The following SALL4 variants were observed in gnomAD, a reference collection of about 807,000 sequenced individuals.
The protein encoded by SALL4 is sal-like protein 4.
A neutral mutation model predicts 60.8 loss-of-function variants in SALL4; 4 were observed. The observed-to-expected ratio is 0.07, with a 90% CI of 0.03 to 0.15. The LOEUF (loss-of-function observed/expected upper bound fraction) is 0.15, where lower values mean the gene tolerates loss of function less well. Among genes scored for constraint, SALL4 ranks in the 10% least tolerant of loss-of-function variants. SALL4 has a pLI of 1.00. For missense variants in SALL4, 1,178 were observed against 1,394.7 expected (o/e 0.84, Z 2.48); for synonymous variants, 580 against 574.9 (o/e 1.01, Z -0.13).
At chr20:51,786,118 G>T (rs559366584) in intron 3 of SALL4, among the ~76,000 whole-genome samples, 19 of 135,502 alleles carry the variant, frequency 1.4e-4, no homozygotes, top group Admixed American at 2.4e-4. Flanking sequence ...ACAGAGTCTC[G>T]CTCTGTCGCC....
Position 51,788,346 on chromosome 20 carries a change from TG to T in SALL4, c.2742+514del, listed in dbSNP as rs2078007382. On this transcript the variant is annotated intron_variant, in intron 3 of 3. Coordinates refer to ENST00000217086, the MANE Select transcript of SALL4 (RefSeq NM_020436.5). This position sits in a 1 kb window ranked among gnomAD's most constrained non-coding sequence, Gnocchi z 4.1. ...ATTTGTGTGTGTGTGTGTGTGTGTGTGTGTGTGTGTGTAAAGACGTTGTCTC... is the reference window on the plus strand; with the variant it reads ...ATTTGTGTGTGTGTGTGTGTGTGTGTTGTGTGTGTGTAAAGACGTTGTCTC... Among the ~76,000 whole-genome samples the T allele has an allele frequency of 6.6e-6, 1 of 151,280 alleles. No individual in the cohort carries two copies. The highest frequency in any genetic ancestry group is 2.4e-5 in the African/African-American group (1 of 41,136).
rs1237906788 is a variant in SALL4 at position 51,782,901 on chromosome 20, G to A, written c.*1364C>T. ...TTAAAATAGGAAAATAGACACTATG[G>A]CTACAAAAAATAAAAAATAAATGAG... On this transcript the variant is annotated 3_prime_UTR_variant, in exon 4 of 4. Transcript: ENST00000217086. 1 of 152,018 alleles carries A rather than the reference G, an allele frequency of 6.6e-6. No individual in the cohort carries two copies. The highest frequency in any genetic ancestry group is 1.5e-5 in the Non-Finnish European group (1 of 68,030). The allele number at this position is 152,018 out of a possible 1,614,324, so 9.4% of individuals were successfully genotyped here.
rs528532805 is a variant in SALL4 at position 51,795,383 on chromosome 20, G to C, written c.131-3031C>G. Among the ~76,000 whole-genome samples, 15 of 152,192 alleles carry C rather than the reference G, an allele frequency of 9.9e-5. No homozygotes were observed. In the East Asian group the frequency reaches 2.9e-3, roughly 29 times the overall value. ...GACAGTGCCACTGCACTCCAGCCTG[G>C]GCGACAGAGCGAGACTCCGTGTCAA... On this transcript the variant is annotated intron_variant, in intron 1 of 3. Coordinates refer to ENST00000217086, the MANE Select transcript of SALL4 (RefSeq NM_020436.5).
At chr20:51,796,307 C>T (rs1207713788) in intron 1 of SALL4, among the ~76,000 whole-genome samples, 2 of 151,792 alleles carry the variant, frequency 1.3e-5, no homozygotes, top group East Asian at 1.9e-4. Flanking sequence ...GAGGCCAAAG[C>T]TAACCACCAC....
At position 51,791,336 on chromosome 20, in the gene SALL4, T is replaced by C; in HGVS notation, c.1147A>G (p.Lys383Glu). 1 of 1,614,154 alleles carries C rather than the reference T, an allele frequency of 6.2e-7. No individual in the cohort carries two copies. Among genetic ancestry groups the C allele is most frequent in the Non-Finnish European group, 8.5e-7 (1 of 1,180,022 alleles). ...AAAACCTTGCTACAGTACTTACACT[T>C]GTGCTTGTAGAGGGCCGCCTCGTCT... ...PKDEAALYKH[K>E]CKYCSKVFGT... Residue 383 changes from lysine (K) to glutamate (E), a missense_variant, in exon 2 of 4, where the codon AAG (lysine) becomes GAG (glutamate). Lys to Glu is a moderately conservative substitution (Grantham distance 56). Coordinates refer to ENST00000217086, the MANE Select transcript of SALL4 (RefSeq NM_020436.5). This position sits in a 1 kb window ranked among gnomAD's most constrained non-coding sequence, Gnocchi z 4.6.
chr20:51,797,169 C>T (rs1240421962), intron 1 of SALL4, among the ~76,000 whole-genome samples: 1 of 151,588 alleles, frequency 6.6e-6, no homozygotes, highest in Non-Finnish European at 1.5e-5. Context: ...TATAGTGTTA[C>T]AAGTTGTTAT....
chr20:51,795,536 G>C (rs1242505361), intron 1 of SALL4, among the ~76,000 whole-genome samples: 1 of 152,224 alleles, frequency 6.6e-6, no homozygotes, highest in African/African-American at 2.4e-5. Context: ...CTGGAAACCA[G>C]CACTAGTGGG....
intron 1 of SALL4, among the ~76,000 whole-genome samples, chr20:51,799,065 T>G (rs558953238): frequency 1.3e-5 from 2 of 152,200 alleles, no homozygotes; most frequent in Non-Finnish European, 2.9e-5. Flanking sequence ...CCCAGCCTGG[T>G]GTCTGGCAGG....
At chr20:51,800,929 T>G (rs942750928) in intron 1 of SALL4, among the ~76,000 whole-genome samples, 3 of 152,148 alleles carry the variant, frequency 2.0e-5, no homozygotes, top group Admixed American at 6.5e-5. Flanking sequence ...TGTATTACAT[T>G]CAGTCTCCGA....
Position 51,792,623 on chromosome 20 carries a change from A to C in SALL4, c.131-271T>G, listed in dbSNP as rs971581800. ...AGAATTGCTTGAACCCAGGAGGCAGAGGTTGCAGTGAGCTGAGATCCCGCC... is the reference window on the plus strand; with the variant it reads ...AGAATTGCTTGAACCCAGGAGGCAGCGGTTGCAGTGAGCTGAGATCCCGCC... On this transcript the variant is annotated intron_variant, in intron 1 of 3. Coordinates refer to ENST00000217086, the MANE Select transcript of SALL4 (RefSeq NM_020436.5). The C allele has an allele frequency of 5.8e-6, 3 of 513,218 alleles. No individual in the cohort carries two copies. The African/African-American group carries it at 6.9e-5, about 12-fold the overall frequency. 31.8% of individuals were successfully genotyped at this position (513,218 alleles called of 1,614,324 possible).
chr20:51,791,890 G>A lies in SALL4; in HGVS notation c.593C>T (p.Ala198Val), dbSNP rs775663320. The A allele has an allele frequency of 2.0e-5, 33 of 1,614,074 alleles. No homozygotes were observed. The highest frequency in any genetic ancestry group is 2.4e-5 in the Non-Finnish European group (28 of 1,180,044). The change falls in exon 2 of 4, where the codon GCG becomes GTG. Residue 198 changes from alanine (A) to valine (V), a missense_variant. Ala to Val is a moderately conservative substitution (Grantham distance 64, BLOSUM62 0). Around this residue, in one of 5 missense-constraint regions of SALL4, gnomAD observed 853 missense variants for 1,036.8 expected, o/e 0.82. Transcript: ENST00000217086. The surrounding 1 kb of genome is among the most constrained non-coding windows in gnomAD (Gnocchi z 4.6). ...GTKVAVNQRS[A>V]DALPAPVPGA... ...AGGCACGGGGGCAGGGAGTGCATCC[G>A]CGCTCCGCTGATTCACCGCCACCTT...
In SALL4 at chr20:51,790,689, G is replaced by A; in HGVS notation, c.1794C>T (p.Ile598=). The A allele has an allele frequency of 6.2e-7, 1 of 1,614,188 alleles. No homozygotes were observed. Among genetic ancestry groups the A allele is most frequent in the Non-Finnish European group, 8.5e-7 (1 of 1,180,028 alleles). ...HTGERPFQCK[I]CGRAFSTKGN... ...CTTTGGTAGAAAAGGCTCGGCCACAGATCTTACACTGGAACGGTCTCTCCC... is the reference window on the plus strand; with the variant it reads ...CTTTGGTAGAAAAGGCTCGGCCACAAATCTTACACTGGAACGGTCTCTCCC... The change falls in exon 2 of 4, where the codon ATC becomes ATT. Residue 598 remains isoleucine, a synonymous_variant. Coordinates refer to ENST00000217086, the MANE Select transcript of SALL4 (RefSeq NM_020436.5). The surrounding 1 kb of genome is among the most constrained non-coding windows in gnomAD (Gnocchi z 5.5).
chr20:51,791,384 A>G lies in SALL4; in HGVS notation c.1099T>C (p.Ser367Pro). The change falls in exon 2 of 4, where the codon TCC becomes CCC. Residue 367 changes from serine to proline, a missense_variant. Around this residue, in one of 5 missense-constraint regions of SALL4, gnomAD observed 853 missense variants for 1,036.8 expected, o/e 0.82. Coordinates refer to ENST00000217086, the MANE Select transcript of SALL4 (RefSeq NM_020436.5). The surrounding 1 kb of genome is among the most constrained non-coding windows in gnomAD (Gnocchi z 4.6). ...TCTTTGGGTTTGACATCCACCGCGGAGATGTTCGGTGGCTTCCCCTTCCCT... is the reference window on the plus strand; with the variant it reads ...TCTTTGGGTTTGACATCCACCGCGGGGATGTTCGGTGGCTTCCCCTTCCCT... ...KKGKGKPPNI[S>P]AVDVKPKDEA... is the part of the protein sequence containing the mutation. The G allele has an allele frequency of 6.2e-7, 1 of 1,614,070 alleles. No individual in the cohort carries two copies. The highest frequency in any genetic ancestry group is 8.5e-7 in the Non-Finnish European group (1 of 1,180,032).
chr20:51,786,632 T>C (rs2077994692), intron 3 of SALL4, among the ~76,000 whole-genome samples: 1 of 152,230 alleles, frequency 6.6e-6, no homozygotes. Context: ...AAAATCTGAA[T>C]GTTGATTGTA....
At position 51,782,350 on chromosome 20, in the gene SALL4, A is replaced by G. The variant is rs2077960882; in HGVS notation, c.*1915T>C. On this transcript the variant is annotated 3_prime_UTR_variant, in exon 4 of 4. Coordinates refer to ENST00000217086, the MANE Select transcript of SALL4 (RefSeq NM_020436.5). ...CCTGGGTGAGAAAAAAAAACATTCA[A>G]ATTTTATTTTCCAACAGACAGACAG... 6.6e-6 allele frequency: 1 copy of G among 152,036 alleles called. No homozygotes were observed. Among genetic ancestry groups the G allele is most frequent in the East Asian group, 1.9e-4 (1 of 5,166 alleles). 9.4% of individuals were successfully genotyped at this position (152,036 alleles called of 1,614,324 possible).
rs1181796386 is a variant in SALL4 at position 51,790,918 on chromosome 20, G to A, written c.1565C>T (p.Pro522Leu). Residue 522 changes from proline to leucine, a missense_variant, in exon 2 of 4, where the codon CCT becomes CTT. Physicochemically the swap from Pro to Leu is moderately conservative, Grantham distance 98. This residue lies in a region of SALL4 where 853 missense variants were observed against 1,036.8 expected (regional missense o/e 0.82). Coordinates refer to ENST00000217086, the MANE Select transcript of SALL4 (RefSeq NM_020436.5). This position sits in a 1 kb window ranked among gnomAD's most constrained non-coding sequence, Gnocchi z 5.5. Reference protein sequence around the residue: ...SPESEGGPTLPGVGPNYNSPR... With the variant: ...SPESEGGPTLLGVGPNYNSPR... ...GGAATTATAGTTTGGTCCCACCCCAGGGAGTGTGGGTCCACCCTCACTTTC... is the reference window on the plus strand; with the variant it reads ...GGAATTATAGTTTGGTCCCACCCCAAGGAGTGTGGGTCCACCCTCACTTTC... The A allele has an allele frequency of 1.9e-6, 3 of 1,614,134 alleles. No homozygotes were observed. Among genetic ancestry groups the A allele is most frequent in the African/African-American group, 1.3e-5 (1 of 75,042 alleles).
rs1601167897 is a variant in SALL4 at position 51,789,955 on chromosome 20, A to G, written c.2461+67T>C. 3.8e-6 allele frequency: 6 copies of G among 1,599,474 alleles called. No homozygotes were observed. In the South Asian group the frequency reaches 6.6e-5, roughly 18 times the overall value. On this transcript the variant is annotated intron_variant, in intron 2 of 3. Coordinates refer to ENST00000217086, the MANE Select transcript of SALL4 (RefSeq NM_020436.5). ...GTCATACTCTCCGTTTGTAAAGTTC[A>G]ACCCAGGCTCCTTTTTGATGACCTT...
chr20:51,792,068 TGCC>T lies in SALL4; in HGVS notation c.412_414del (p.Gly138del). 1 of 1,614,194 alleles carries T rather than the reference TGCC, an allele frequency of 6.2e-7. No homozygotes were observed. Among genetic ancestry groups the T allele is most frequent in the African/African-American group, 1.3e-5 (1 of 75,042 alleles). ...GGCTTCTCCTTCATGTCCTCTGAGCTGCCGCCATTCTCCCTGTGACAGTCCTTA... is the reference window on the plus strand; with the variant it reads ...GGCTTCTCCTTCATGTCCTCTGAGCTGCCATTCTCCCTGTGACAGTCCTTA... On this transcript the variant is annotated inframe_deletion, in exon 2 of 4. Transcript: ENST00000217086.
At position 51,783,521 on chromosome 20, in the gene SALL4, CCAGT is replaced by C. The variant is rs2122949480; in HGVS notation, c.*740_*743del. ...TTGTCCTTTTACCCGTGTCCAGTTA[CCAGT>C]AAGTATACAGTACCCATCTCCCCTC... On this transcript the variant is annotated 3_prime_UTR_variant, in exon 4 of 4. Coordinates refer to ENST00000217086, the MANE Select transcript of SALL4 (RefSeq NM_020436.5). 1 of 152,098 alleles carries C rather than the reference CCAGT, an allele frequency of 6.6e-6. No homozygotes were observed. 9.4% of individuals were successfully genotyped at this position (152,098 alleles called of 1,614,324 possible).
Sources: gnomAD v4.1 joint callset for allele counts (sites outside exome capture counted in the v4.1 genomes callset) on GRCh38, gnomAD v4.1.1 for gene constraint, gnomAD v4.1.1 regional missense constraint, Gnocchi (gnomAD v3.1) non-coding constraint, MANE v1.5 for transcripts, NCBI Gene and HGNC (gene_info 2026-07-23, HGNC 2026-07-21) for gene names.